Variants in ABI3 observed in about 807,000 individuals in gnomAD.
ABI3 encodes ABI gene family member 3.
ABI3 carries 24 observed loss-of-function variants against 37.0 expected under a neutral mutation model. The ratio of observed to expected loss-of-function variants is 0.65; its 90% CI spans 0.47 to 0.91. ABI3 has a LOEUF of 0.91. Ranked by LOEUF, ABI3 falls within the 40% of genes least tolerant of loss-of-function variation. ABI3 has a pLI of 0.00. For missense variants in ABI3, 481 were observed against 485.1 expected (o/e 0.99, Z 0.08); for synonymous variants, 220 against 211.8 (o/e 1.04, Z -0.34).
rs1327744745 is a variant in ABI3, at chr17:49,219,050, A to G, written c.463-490A>G. ...AGTTCCCTCTTTCATGTAGGCGTGC[A>G]CCCTGTCATTTGCGCATCCCCTCTA... On this transcript the variant is annotated intron_variant, in intron 3 of 7. Coordinates refer to ENST00000225941, the MANE Select transcript of ABI3 (RefSeq NM_016428.3). The surrounding 1 kb of genome is among the most constrained non-coding windows in gnomAD (Gnocchi z 4.3). Among the ~76,000 whole-genome samples the G allele has an allele frequency of 6.6e-6, 1 of 151,928 alleles. No individual in the cohort carries two copies. The highest frequency in any genetic ancestry group is 1.5e-5 in the Non-Finnish European group (1 of 68,000).
chr17:49,215,230 T>C (rs1199965620), intron 1 of ABI3, among the ~76,000 whole-genome samples: 2 of 152,078 alleles, frequency 1.3e-5, no homozygotes, highest in East Asian at 1.9e-4. Context: ...AGAAGCCCAA[T>C]GGCCAATGTG....
chr17:49,214,788 T>C (rs549654709), intron 1 of ABI3, among the ~76,000 whole-genome samples: 1 of 152,378 alleles, frequency 6.6e-6, no homozygotes, highest in East Asian at 1.9e-4. Flanking sequence ...AGTGTGACCC[T>C]GGCCAGTGCC....
intron 1 of ABI3, 45 bp from the exon 2 acceptor site, chr17:49,216,486 C>T (rs2233368): frequency 0.35 from 503,412 of 1,437,548 alleles, 89,047 homozygotes; most frequent in South Asian, 0.43. Flanking sequence ...GCCAAGGACC[C>T]AGTGGAAGAT....
intron 6 of ABI3, among the ~76,000 whole-genome samples, chr17:49,220,901 C>A (rs1417014205): frequency 4.0e-5 from 6 of 148,970 alleles, no homozygotes; most frequent in African/African-American, 1.5e-4. Flanking sequence ...TAAACTTAAT[C>A]CTAAGGGCCA....
At position 49,222,196 on chromosome 17, in the gene ABI3, G is replaced by C; in HGVS notation, c.908G>C (p.Ser303Thr). ...PPPGFGPDEPSWVPASYLEKV... is the reference protein window; with the variant it reads ...PPPGFGPDEPTWVPASYLEKV... Reference sequence around the variant, plus strand: ...CCAGGATTTGGGCCTGATGAGCCCAGCTGGGTGCCTGCCTCATACTTGGAG... The same window carrying C: ...CCAGGATTTGGGCCTGATGAGCCCACCTGGGTGCCTGCCTCATACTTGGAG... Residue 303 changes from serine to threonine, a missense_variant, in exon 7 of 8, where the codon AGC (serine) becomes ACC (threonine). Transcript: ENST00000225941. The C allele has an allele frequency of 3.1e-6, 5 of 1,613,788 alleles. No individual in the cohort carries two copies. Among genetic ancestry groups the C allele is most frequent in the Non-Finnish European group, 3.4e-6 (4 of 1,179,856 alleles).
In ABI3 at chr17:49,222,335, C is replaced by T; in HGVS notation, c.937+110C>T. 5 of 1,457,638 alleles carry T rather than the reference C, an allele frequency of 3.4e-6. 1 individual carries two copies. Among genetic ancestry groups the T allele is most frequent in the East Asian group, 4.7e-5 (2 of 42,188 alleles). The allele number at this position is 1,457,638 out of a possible 1,614,324, so 90.3% of individuals were successfully genotyped here. ...GAATCTATCCCCCGGGCCCCCCACA[C>T]AATTTTTCTGACGAACTGACAGAAC... is the stretch of plus-strand genomic sequence containing the variant. On this transcript the variant is annotated intron_variant, in intron 7 of 7. Coordinates refer to ENST00000225941, the MANE Select transcript of ABI3 (RefSeq NM_016428.3).
Position 49,220,229 on chromosome 17 carries a change from A to T in ABI3, c.705A>T (p.Pro235=). 2 of 1,611,102 alleles carry T rather than the reference A, an allele frequency of 1.2e-6. No individual in the cohort carries two copies. Among genetic ancestry groups the T allele is most frequent in the Non-Finnish European group, 1.7e-6 (2 of 1,179,432 alleles). ...TPKGQAAPPA[P]PLPSSLDPPP... The stretch of plus-strand genomic sequence containing the variant: ...AGGGGCAGGCAGCACCTCCAGCCCC[A>T]CCTCTCCCCAGCTCCTTGGACCCAC... The change falls in exon 6 of 8, where the codon CCA becomes CCT. Residue 235 remains proline (P), a synonymous_variant. Transcript: ENST00000225941.
At position 49,217,809 on chromosome 17, in the gene ABI3, C is replaced by T; in HGVS notation, c.356C>T (p.Pro119Leu). The T allele has an allele frequency of 1.9e-6, 3 of 1,611,242 alleles. No individual in the cohort carries two copies. Among genetic ancestry groups the T allele is most frequent in the African/African-American group, 1.3e-5 (1 of 74,916 alleles). ...IGTLATVQRL[P>L]PGQKVIAPEN... Reference sequence around the variant, plus strand: ...ACCTTAGCCACTGTCCAGCGGCTGCCCCCCGGCCAGAAGGTCATCGCCCCA... The same window carrying T: ...ACCTTAGCCACTGTCCAGCGGCTGCTCCCCGGCCAGAAGGTCATCGCCCCA... The change falls in exon 3 of 8, where the codon CCC (proline) becomes CTC (leucine). Residue 119 changes from proline to leucine, a missense_variant. By Grantham distance (98) the Pro-to-Leu change is moderately conservative (BLOSUM62 -3). Transcript: ENST00000225941.
At position 49,222,940 on chromosome 17, in the gene ABI3, A is replaced by G; in HGVS notation, c.*225A>G. The G allele has an allele frequency of 1.7e-6, 1 of 594,192 alleles. No individual in the cohort carries two copies. The highest frequency in any genetic ancestry group is 2.8e-5 in the East Asian group (1 of 36,056). The allele number at this position is 594,192 out of a possible 1,614,324, so 36.8% of individuals were successfully genotyped here. On this transcript the variant is annotated 3_prime_UTR_variant, in exon 8 of 8. Coordinates refer to ENST00000225941, the MANE Select transcript of ABI3 (RefSeq NM_016428.3). ...GAGCTGGAAACCAAGAAGTTTGTCA[A>G]CAGAGGACCCCTACTCCATGCAGGA...
chr17:49,216,689 G>T lies in ABI3; in HGVS notation c.276G>T (p.Thr92=). ...GGCAGGTGGAAGCCCGTGTAAGCAC[G>T]CTGGGCCAGGTAAGGGGCGTGGGGC... ...ALRQVEARVS[T]LGQMVNMHME... Residue 92 remains threonine, a synonymous_variant, in exon 2 of 8, where the codon ACG becomes ACT. Transcript: ENST00000225941. 6.4e-7 allele frequency: 1 copy of T among 1,565,192 alleles called. No individual in the cohort carries two copies. The highest frequency in any genetic ancestry group is 8.7e-7 in the Non-Finnish European group (1 of 1,154,568).
In ABI3 at chr17:49,222,071, C is replaced by T. The variant is rs1281426707; in HGVS notation, c.803-20C>T. 2.5e-6 allele frequency: 4 copies of T among 1,578,870 alleles called. No homozygotes were observed. Among genetic ancestry groups the T allele is most frequent in the African/African-American group, 2.7e-5 (2 of 73,814 alleles). On this transcript the variant is annotated intron_variant, in intron 6 of 7. Transcript: ENST00000225941. ...GAGCTTCCTGTGCCACACTTACAGC[C>T]TTTCTGCTTTTCCCCCAAGACGAAG...
Position 49,210,734 on chromosome 17 carries a change from C to T in ABI3, c.10C>T (p.Leu4=). 1 of 1,555,850 alleles carries T rather than the reference C, an allele frequency of 6.4e-7. No individual in the cohort carries two copies. The highest frequency in any genetic ancestry group is 8.7e-7 in the Non-Finnish European group (1 of 1,149,702). The change falls in exon 1 of 8, where the codon CTA becomes TTA. Residue 4 remains leucine (L), a synonymous_variant. Transcript: ENST00000225941. This position sits in a 1 kb window ranked among gnomAD's most constrained non-coding sequence, Gnocchi z 4.2. MAE[L]QQLQEFEIPT... ...ACAGAGGCTGGGGGTGATGGCGGAGCTACAGCAGCTGCAGGAGTTTGAGAT... is the reference window on the plus strand; with the variant it reads ...ACAGAGGCTGGGGGTGATGGCGGAGTTACAGCAGCTGCAGGAGTTTGAGAT...
At position 49,222,840 on chromosome 17, in the gene ABI3, G is replaced by A; in HGVS notation, c.*125G>A. The A allele has an allele frequency of 3.6e-6, 4 of 1,124,314 alleles. No homozygotes were observed. The highest frequency in any genetic ancestry group is 2.7e-5 in the Admixed American group (1 of 37,168). The allele number at this position is 1,124,314 out of a possible 1,614,324, so 69.6% of individuals were successfully genotyped here. On this transcript the variant is annotated 3_prime_UTR_variant, in exon 8 of 8. Coordinates refer to ENST00000225941, the MANE Select transcript of ABI3 (RefSeq NM_016428.3). ...CCTCTTGGGCTGTGAGCTGTGTTCTGTCCTTCCTCCCATCGGAGGGAGAAG... is the reference window on the plus strand; with the variant it reads ...CCTCTTGGGCTGTGAGCTGTGTTCTATCCTTCCTCCCATCGGAGGGAGAAG...
intron 7 of ABI3, 148 bp downstream of exon 7, chr17:49,222,373 A>T: frequency 7.3e-7 from 1 of 1,368,932 alleles, no homozygotes; most frequent in Non-Finnish European, 9.8e-7. Flanking sequence ...GGGAGAGGGC[A>T]GCTGGCCTGG....
chr17:49,213,407 C>G (rs2143513693), intron 1 of ABI3, among the ~76,000 whole-genome samples: 1 of 152,250 alleles, frequency 6.6e-6, no homozygotes, highest in Non-Finnish European at 1.5e-5. Flanking sequence ...AGGCAAATGC[C>G]TAGGAAGGTT....
rs2043262466 is a variant in ABI3, at chr17:49,219,868, C to T, written c.559C>T (p.Arg187Trp). Residue 187 changes from arginine to tryptophan, a missense_variant, in exon 5 of 8, where the codon CGG becomes TGG. Coordinates refer to ENST00000225941, the MANE Select transcript of ABI3 (RefSeq NM_016428.3). The surrounding 1 kb of genome is among the most constrained non-coding windows in gnomAD (Gnocchi z 4.3). Reference protein sequence around the residue: ...PASATLGRPPRIPEPVHLPVV... With the variant: ...PASATLGRPPWIPEPVHLPVV... ...CCTGCCCCCCGCCAGGAGACCACCC[C>T]GGATTCCCGAGCCAGTGCACCTGCC... 5.8e-6 allele frequency: 9 copies of T among 1,544,194 alleles called. No homozygotes were observed. Among genetic ancestry groups the T allele is most frequent in the Non-Finnish European group, 7.8e-6 (9 of 1,150,048 alleles).
Position 49,217,867 on chromosome 17 carries a change from G to A in ABI3, c.414G>A (p.Arg138=), listed in dbSNP as rs2043238537. ...ENLPPLTPYC[R]RPLNFGCLDD... is the part of the protein sequence containing the mutation. ...TACCCCCTCTCACGCCCTACTGCAG[G>A]AGACCCCTCAACTTTGGCTGCCTGG... Residue 138 remains arginine, a synonymous_variant, in exon 3 of 8, where the codon AGG becomes AGA. Transcript: ENST00000225941. The A allele has an allele frequency of 6.3e-7, 1 of 1,593,160 alleles. No homozygotes were observed. Among genetic ancestry groups the A allele is most frequent in the African/African-American group, 1.4e-5 (1 of 73,658 alleles).
At chr17:49,215,273 G>A (rs999903889) in intron 1 of ABI3, among the ~76,000 whole-genome samples, 1 of 152,196 alleles carries the variant, frequency 6.6e-6, no homozygotes, top group African/African-American at 2.4e-5. Context: ...GGGGAGTGGT[G>A]AAGTTGGATT....
chr17:49,211,711 C>A (rs1000077593), intron 1 of ABI3, among the ~76,000 whole-genome samples: 2 of 152,212 alleles, frequency 1.3e-5, no homozygotes, highest in Admixed American at 1.3e-4. Context: ...ATGGCTCGAT[C>A]TTGGCTCACT....
Sources: gnomAD v4.1 joint callset for allele counts (sites outside exome capture counted in the v4.1 genomes callset) on GRCh38, gnomAD v4.1.1 for gene constraint, Gnocchi (gnomAD v3.1) non-coding constraint, MANE v1.5 for transcripts, NCBI Gene and HGNC (gene_info 2026-07-23, HGNC 2026-07-21) for gene names.